Variants in LRRK1 observed in about 807,000 individuals in gnomAD.
The protein encoded by LRRK1 is leucine-rich repeat serine/threonine-protein kinase 1.
In LRRK1, 113 loss-of-function variants were observed where a neutral mutation model predicts 209.1. The ratio of observed to expected loss-of-function variants is 0.54; its 90% confidence interval spans 0.46 to 0.63. The LOEUF (loss-of-function observed/expected upper bound fraction) is 0.63. Ranked by LOEUF, LRRK1 falls within the 30% of genes least tolerant of loss-of-function variation. The pLI, the probability that LRRK1 is intolerant of heterozygous loss-of-function variation, is 0.00. For synonymous variants in LRRK1, 1,144 were observed against 1,099.7 expected, an observed-to-expected ratio of 1.04 and a Z score of -0.80; for missense variants, 2,284 against 2,632.2, an observed-to-expected ratio of 0.87 and a Z score of 2.89.
chr15:101,019,577 A>G (rs2033686369), intron 12 of LRRK1, among the ~76,000 whole-genome samples: 1 of 152,188 alleles, frequency 6.6e-6, no homozygotes, highest in South Asian at 2.1e-4. Flanking sequence ...CTCAGAGGCC[A>G]GGTTACCCAT....
chr15:101,047,137 T>C (rs965116602), intron 21 of LRRK1, among the ~76,000 whole-genome samples: 1 of 152,236 alleles, frequency 6.6e-6, no homozygotes, highest in Non-Finnish European at 1.5e-5. Flanking sequence ...TTAAACTCCG[T>C]ATGAGTTTAC....
intron 3 of LRRK1, 129 bp from the exon 4 acceptor site, chr15:100,983,399 G>A: frequency 1.3e-6 from 1 of 746,466 alleles, no homozygotes; most frequent in Non-Finnish European, 2.1e-6. Flanking sequence ...GTCACACTTG[G>A]CAGGTGCTGC....
chr15:100,985,362 T>C (rs982559927), intron 4 of LRRK1, among the ~76,000 whole-genome samples: 1 of 152,206 alleles, frequency 6.6e-6, no homozygotes, highest in Non-Finnish European at 1.5e-5. Context: ...CTAATATTTA[T>C]TGAATACTGT....
chr15:100,931,578 C>A (rs570799040), intron 2 of LRRK1, among the ~76,000 whole-genome samples: 2 of 152,276 alleles, frequency 1.3e-5, no homozygotes, highest in African/African-American at 4.8e-5. Flanking sequence ...AGTGGGTGGT[C>A]ACAGGTGGCC....
At position 101,069,616 on chromosome 15, in the gene LRRK1, C is replaced by A. The variant is rs1031092356; in HGVS notation, c.*768C>A. 2.0e-5 allele frequency: 3 copies of A among 152,622 alleles called. No individual in the cohort carries two copies. Among genetic ancestry groups the A allele is most frequent in the African/African-American group, 4.8e-5 (2 of 41,444 alleles). The allele number at this position is 152,622 out of a possible 1,614,324, so 9.5% of individuals were successfully genotyped here. A position where few individuals can be genotyped will look rare whatever the true frequency, so the allele number is the denominator to read the frequency against. The stretch of plus-strand genomic sequence containing the variant: ...TTCAGAAAGGGCCTTGTGTTTATAG[C>A]TTTGTCAAGTAAATTTGGACGCAGC... On this transcript the variant is annotated 3_prime_UTR_variant, in exon 34 of 34. Coordinates refer to ENST00000388948, the MANE Select transcript of LRRK1 (RefSeq NM_024652.6).
chr15:100,994,881 A>G (rs868155758), intron 6 of LRRK1, among the ~76,000 whole-genome samples: 3 of 152,184 alleles, frequency 2.0e-5, no homozygotes, highest in African/African-American at 2.4e-5. Flanking sequence ...GGCAGTCAGG[A>G]AGGATGACTC....
chr15:101,010,340 G>A, intron 7 of LRRK1, 110 bp from the exon 8 acceptor site: 3 of 1,168,942 alleles, frequency 2.6e-6, no homozygotes, highest in South Asian at 1.5e-5. Flanking sequence ...CTTTAACCTT[G>A]CATGGGGAGA....
intron 3 of LRRK1, among the ~76,000 whole-genome samples, chr15:100,976,017 A>C (rs1003348010): frequency 2.0e-5 from 3 of 152,210 alleles, no homozygotes; most frequent in African/African-American, 7.2e-5. Flanking sequence ...AGTTTATACA[A>C]GCATTAAAAA....
At chr15:101,052,656 G>C (rs1050031980) in intron 24 of LRRK1, among the ~76,000 whole-genome samples, 2 of 152,222 alleles carry the variant, frequency 1.3e-5, no homozygotes, top group Non-Finnish European at 1.5e-5. Flanking sequence ...ACTTCTGTGG[G>C]GTTCACCCTG....
intron 30 of LRRK1, among the ~76,000 whole-genome samples, chr15:101,062,135 T>C (rs2036221050): frequency 6.6e-6 from 1 of 152,152 alleles, no homozygotes; most frequent in African/African-American, 2.4e-5. Flanking sequence ...GCCTAAAGCG[T>C]GCTGTTGCAT....
In LRRK1 at chr15:100,976,489, A is replaced by T. The variant is rs77839419; in HGVS notation, c.261+2522A>T. Among the ~76,000 whole-genome samples the T allele has an allele frequency of 9.2e-3, 1,401 of 152,376 alleles. 6 individuals are homozygous for T. The highest frequency in any genetic ancestry group is 0.015 in the Non-Finnish European group (992 of 68,026). On this transcript the variant is annotated intron_variant, in intron 3 of 33. Transcript: ENST00000388948. ...AAAACAAAAATGAAGCAGCCTTTTT[A>T]AGCTAATCAGATTGACACCTTAAAG...
intron 21 of LRRK1, 58 bp downstream of exon 21, chr15:101,046,210 C>T (rs1166628527): frequency 1.3e-6 from 2 of 1,552,972 alleles, no homozygotes; most frequent in African/African-American, 1.4e-5. Context: ...ACAGTTGTAC[C>T]ACTGGGGGAG....
At chr15:100,988,997 G>GC (rs1269163705) in intron 5 of LRRK1, among the ~76,000 whole-genome samples, 184 bp downstream of exon 5, 1 of 152,196 alleles carries the variant, frequency 6.6e-6, no homozygotes, top group Non-Finnish European at 1.5e-5. Context: ...CTCCTTACTT[G>GC]CCCCCGCAAG....
Position 101,058,002 on chromosome 15 carries a change from C to A in LRRK1, c.4540C>A (p.Leu1514Met). 1.9e-6 allele frequency: 3 copies of A among 1,614,182 alleles called. No individual in the cohort carries two copies. The highest frequency in any genetic ancestry group is 1.7e-6 in the Non-Finnish European group (2 of 1,180,018). The change falls in exon 29 of 34, where the codon CTG becomes ATG. Residue 1514 changes from leucine to methionine, a missense_variant. Physicochemically the swap from Leu to Met is conservative, Grantham distance 15 (BLOSUM62 2). This residue lies in a region of LRRK1 where 643 missense variants were observed against 695.9 expected (regional missense o/e 0.92). Transcript: ENST00000388948. ...DTKPEKRPLALSVVSQMKDPT... is the reference protein window; with the variant it reads ...DTKPEKRPLAMSVVSQMKDPT... ...TTCTCTCCCTCAGCGACCGCTGGCC[C>A]TGTCGGTGGTGAGCCAGATGAAGGA...
In LRRK1 at chr15:101,022,642, A is replaced by G. The variant is rs748237908; in HGVS notation, c.2067+45A>G. 8 of 1,372,068 alleles carry G rather than the reference A, an allele frequency of 5.8e-6. No homozygotes were observed. The highest frequency in any genetic ancestry group is 1.0e-6 in the Non-Finnish European group (1 of 994,690). The allele number at this position is 1,372,068 out of a possible 1,614,324, so 85.0% of individuals were successfully genotyped here. A position where few individuals can be genotyped will look rare whatever the true frequency, so the allele number is the denominator to read the frequency against. On this transcript the variant is annotated intron_variant, in intron 15 of 33. Transcript: ENST00000388948. This position sits in a 1 kb window ranked among gnomAD's most constrained non-coding sequence, Gnocchi z 4.0. ...CAGAGTCCCTGTGGGTGGGAGGAAC[A>G]TCCCTTGGACTCCTTCTCCCTTCTC...
At chr15:100,995,002 C>T (rs888167883) in intron 6 of LRRK1, among the ~76,000 whole-genome samples, 11 of 152,226 alleles carry the variant, frequency 7.2e-5, no homozygotes, top group African/African-American at 2.4e-4. Flanking sequence ...GGGTGCTTCA[C>T]TGACATGACA....
At chr15:100,973,777 C>CGT (rs759338672) in intron 2 of LRRK1, 27 bp from the exon 3 acceptor site, 238 of 1,267,284 alleles carry the variant, frequency 1.9e-4, no homozygotes, top group Admixed American at 3.4e-4. Context: ...GCGGTGACGC[C>CGT]GTGTGTGTGT....
rs147225584 is a variant in LRRK1 at position 100,969,763 on chromosome 15, T to G, written c.98-4041T>G. ...CATGTGGTATTTGGTTTTCTGTTCC[T>G]GTGTTAGCTTGCTGAGGATAATGGC... On this transcript the variant is annotated intron_variant, in intron 2 of 33. Transcript: ENST00000388948. 9.9e-4 allele frequency among the ~76,000 whole-genome samples: 151 copies of G among 152,350 alleles called. 1 individual carries two copies. The highest frequency in any genetic ancestry group is 3.4e-3 in the African/African-American group (141 of 41,568).
At position 101,070,273 on chromosome 15, in the gene LRRK1, C is replaced by CA. The variant is rs979731545; in HGVS notation, c.*1426dup. 5 of 147,812 alleles carry CA rather than the reference C, an allele frequency of 3.4e-5. No individual in the cohort carries two copies. The highest frequency in any genetic ancestry group is 1.3e-4 in the African/African-American group (5 of 39,778). 9.2% of individuals were successfully genotyped at this position (147,812 alleles called of 1,614,324 possible). A position where few individuals can be genotyped will look rare whatever the true frequency, so the allele number is the denominator to read the frequency against. ...TCCATGGGTGGAGACGCTGCTCTGT[C>CA]AGTCACAGGCTTGGAAAAAGCGAGT... On this transcript the variant is annotated 3_prime_UTR_variant, in exon 34 of 34. Coordinates refer to ENST00000388948, the MANE Select transcript of LRRK1 (RefSeq NM_024652.6).
Sources: gnomAD v4.1 joint callset for allele counts (sites outside exome capture counted in the v4.1 genomes callset) on GRCh38, gnomAD v4.1.1 for gene constraint, gnomAD v4.1.1 regional missense constraint, Gnocchi (gnomAD v3.1) non-coding constraint, MANE v1.5 for transcripts, NCBI Gene and HGNC (gene_info 2026-07-23, HGNC 2026-07-21) for gene names.